The following MAP4K4 variants were observed in gnomAD, a reference collection of about 807,000 sequenced individuals.
MAP4K4 encodes mitogen-activated protein kinase kinase kinase kinase 4.
A neutral mutation model predicts 189.6 loss-of-function variants in MAP4K4; 38 were observed. That is an observed-to-expected ratio of 0.20 (90% confidence interval 0.15 to 0.26). MAP4K4 has a LOEUF of 0.26. Ranked by LOEUF, MAP4K4 falls within the 10% of genes least tolerant of loss-of-function variation. The pLI is 1.00. For synonymous variants in MAP4K4, 610 were observed against 624.3 expected (o/e 0.98, Z 0.34); for missense variants, 1,054 against 1,726.9 (o/e 0.61, Z 6.91).
At chr2:101,742,933 A>G (rs1454986019) in intron 2 of MAP4K4, among the ~76,000 whole-genome samples, 1 of 152,190 alleles carries the variant, frequency 6.6e-6, no homozygotes, top group Non-Finnish European at 1.5e-5. Flanking sequence ...TTAAATTCTA[A>G]AGGGAGAGGC....
chr2:101,885,136 A>G, intron 28 of MAP4K4, 51 bp from the exon 29 acceptor site: 2 of 950,806 alleles, frequency 2.1e-6, no homozygotes, highest in South Asian at 1.5e-5. Flanking sequence ...TTAGAGGGCT[A>G]TGTTGATACT....
chr2:101,742,669 G>C (rs891173227), intron 2 of MAP4K4, among the ~76,000 whole-genome samples: 2 of 152,106 alleles, frequency 1.3e-5, no homozygotes, highest in Non-Finnish European at 2.9e-5. Context: ...TTGTTTTTCA[G>C]CTGGAGGTCT....
At chr2:101,848,965 C>G (rs2097195098) in intron 12 of MAP4K4, among the ~76,000 whole-genome samples, 1 of 152,126 alleles carries the variant, frequency 6.6e-6, no homozygotes, top group Middle Eastern at 3.2e-3. Flanking sequence ...CGAGTTCGTA[C>G]TGAGAGTCTC....
intron 2 of MAP4K4, among the ~76,000 whole-genome samples, chr2:101,787,364 A>C (rs1281473570): frequency 6.6e-6 from 1 of 152,216 alleles, no homozygotes; most frequent in East Asian, 1.9e-4. Context: ...TGTGTCCTTA[A>C]GTTCCCAGCA....
At chr2:101,861,113 A>C in intron 16 of MAP4K4, 127 bp downstream of exon 16, 1 of 852,252 alleles carries the variant, frequency 1.2e-6, no homozygotes. Flanking sequence ...AGCAGGAGTG[A>C]GTTTAGACTA....
chr2:101,758,173 T>C (rs12712115), intron 2 of MAP4K4, among the ~76,000 whole-genome samples: 114,526 of 152,206 alleles, frequency 0.75, 43,545 homozygotes, highest in African/African-American at 0.88. Flanking sequence ...CCTCGGGTAA[T>C]GGGGGTACTA....
intron 2 of MAP4K4, among the ~76,000 whole-genome samples, chr2:101,785,110 C>T (rs756823238): frequency 2.0e-5 from 3 of 152,176 alleles, no homozygotes; most frequent in Admixed American, 6.5e-5. Context: ...GTGTGCACCC[C>T]TCTGGGCTAT....
At chr2:101,795,811 G>T (rs747571254) in intron 3 of MAP4K4, among the ~76,000 whole-genome samples, 2 of 151,958 alleles carry the variant, frequency 1.3e-5, no homozygotes, top group African/African-American at 2.4e-5. Context: ...ATGTTTCTTT[G>T]TCTTTTCTCT....
At chr2:101,840,090 T>C in intron 10 of MAP4K4, 96 bp downstream of exon 10, 1 of 1,212,944 alleles carries the variant, frequency 8.2e-7, no homozygotes, top group Non-Finnish European at 1.1e-6. Flanking sequence ...GTGAGAGTGC[T>C]CACTTGGCCA....
chr2:101,698,437 T>C, intron 1 of MAP4K4, 36 bp from the exon 2 acceptor site: 1 of 1,579,846 alleles, frequency 6.3e-7, no homozygotes, highest in Non-Finnish European at 8.7e-7. Flanking sequence ...TTTTGGCTTC[T>C]TTTAAATGAT....
chr2:101,863,710 C>G (rs2097735347), intron 16 of MAP4K4, 111 bp from the exon 17 acceptor site: 1 of 599,224 alleles, frequency 1.7e-6, no homozygotes, highest in Non-Finnish European at 3.0e-6. Flanking sequence ...CACTGTACCA[C>G]CCCGGTGTGT....
chr2:101,751,419 G>A (rs1259681201), intron 2 of MAP4K4, among the ~76,000 whole-genome samples: 1 of 152,150 alleles, frequency 6.6e-6, no homozygotes, highest in African/African-American at 2.4e-5. Context: ...CCAGCTTGTG[G>A]TTGGGAACAC....
At chr2:101,873,754 G>C in exon 25 of MAP4K4, 1 of 1,598,722 alleles carries the variant, frequency 6.3e-7, no homozygotes, top group African/African-American at 1.3e-5. Context: ...GAACAACAGT[G>C]ACATCTGTGG....
chr2:101,831,755 T>C (rs1229533342), exon 7 of MAP4K4: 1 of 1,604,960 alleles, frequency 6.2e-7, no homozygotes, highest in South Asian at 1.1e-5. Flanking sequence ...TGGACAGGAC[T>C]GTGGGGCGGA....
chr2:101,698,768 T>A (rs2036233309), intron 2 of MAP4K4, among the ~76,000 whole-genome samples: 1 of 152,170 alleles, frequency 6.6e-6, no homozygotes, highest in South Asian at 2.1e-4. Flanking sequence ...TAAGCTACAC[T>A]CTTAGGCATG....
intron 3 of MAP4K4, among the ~76,000 whole-genome samples, chr2:101,793,568 GT>G (rs5832988): frequency 3.6e-3 from 459 of 127,524 alleles, no homozygotes; most frequent in African/African-American, 8.6e-3. Context: ...ACTCTTCATG[GT>G]TTTTTTTTTT....
chr2:101,734,156 A>G (rs1043159721), intron 2 of MAP4K4, among the ~76,000 whole-genome samples: 4 of 152,244 alleles, frequency 2.6e-5, no homozygotes, highest in Non-Finnish European at 4.4e-5. Flanking sequence ...ACAGGGTATC[A>G]TACTACAATT....
chr2:101,890,007 T>A (rs2098542468), intron 32 of MAP4K4, among the ~76,000 whole-genome samples: 1 of 152,216 alleles, frequency 6.6e-6, no homozygotes, highest in Non-Finnish European at 1.5e-5. Context: ...CAGGATTTTG[T>A]CAGCTTGTTG....
chr2:101,720,588 T>G (rs1174767560), intron 2 of MAP4K4, among the ~76,000 whole-genome samples: 2 of 152,232 alleles, frequency 1.3e-5, no homozygotes, highest in African/African-American at 4.8e-5. Context: ...TGGACCTTCA[T>G]ATTTTTGCCT....
Sources: allele counts gnomAD v4.1 joint callset (sites outside exome capture counted in the v4.1 genomes callset), GRCh38; gene constraint gnomAD v4.1.1; transcripts MANE v1.5; gene names NCBI Gene and HGNC (gene_info 2026-07-23, HGNC 2026-07-21).